RARB: variants seen among roughly 807,000 people sequenced by gnomAD.
The protein encoded by RARB is HBV-activated protein.
A neutral mutation model predicts 51.9 loss-of-function variants in RARB; 17 were observed. The ratio of observed to expected loss-of-function variants is 0.33; its 90% confidence interval spans 0.22 to 0.49. The LOEUF (loss-of-function observed/expected upper bound fraction) is 0.49. Among genes scored for constraint, RARB ranks in the 20% least tolerant of loss-of-function variants. RARB has a pLI of 0.99. For missense variants in RARB, 369 were observed against 550.8 expected, an observed-to-expected ratio of 0.67 and a Z score of 3.30; for synonymous variants, 215 against 195.4, an observed-to-expected ratio of 1.10 and a Z score of -0.84.
chr3:24,993,251 T>C (rs1696952198), intron 2 of RARB, among the ~76,000 whole-genome samples: 1 of 152,190 alleles, frequency 6.6e-6, no homozygotes, highest in African/African-American at 2.4e-5. Flanking sequence ...TGACAACCTT[T>C]TACATAAATT....
intron 5 of RARB, among the ~76,000 whole-genome samples, chr3:25,206,600 C>T (rs928478282): frequency 4.6e-5 from 7 of 152,090 alleles, no homozygotes; most frequent in East Asian, 3.9e-4. Context: ...CTAAGCTTCC[C>T]GTGTGCTTGA....
At chr3:25,148,031 A>G (rs1221914543) in intron 4 of RARB, among the ~76,000 whole-genome samples, 4 of 152,224 alleles carry the variant, frequency 2.6e-5, no homozygotes, top group African/African-American at 9.6e-5. Flanking sequence ...TGCCTTGTCT[A>G]CAGACTACTG....
At chr3:24,914,611 C>T (rs1036384311) in intron 2 of RARB, among the ~76,000 whole-genome samples, 2 of 152,174 alleles carry the variant, frequency 1.3e-5, no homozygotes, top group African/African-American at 2.4e-5. Flanking sequence ...ATAACCTGCA[C>T]ACATCGTCCT....
intron 2 of RARB, among the ~76,000 whole-genome samples, chr3:24,895,498 C>T (rs1217495720): frequency 6.6e-6 from 1 of 152,030 alleles, no homozygotes. Flanking sequence ...TAGATTAAAG[C>T]TTATTTATCA....
intron 3 of RARB, among the ~76,000 whole-genome samples, chr3:25,070,648 A>G (rs182936051): frequency 3.3e-5 from 5 of 152,328 alleles, no homozygotes; most frequent in Non-Finnish European, 7.3e-5. Flanking sequence ...GCATAGGAAT[A>G]TTTGCCAGAC....
intron 5 of RARB, among the ~76,000 whole-genome samples, chr3:25,283,007 G>T (rs1461569615): frequency 6.6e-6 from 1 of 152,180 alleles, no homozygotes; most frequent in East Asian, 1.9e-4. Flanking sequence ...ACACGGAGGA[G>T]CGACACTGTC....
At chr3:25,303,490 C>T (rs192885058) in intron 5 of RARB, among the ~76,000 whole-genome samples, 41 of 152,260 alleles carry the variant, frequency 2.7e-4, no homozygotes, top group Non-Finnish European at 3.8e-4. Context: ...AAGGCCATGA[C>T]CGACTGAGTG....
At chr3:24,882,416 G>C (rs1703184541) in intron 2 of RARB, among the ~76,000 whole-genome samples, 1 of 152,188 alleles carries the variant, frequency 6.6e-6, no homozygotes, top group African/African-American at 2.4e-5. Flanking sequence ...GCAATCTAGA[G>C]ATGATTTGAA....
intron 5 of RARB, among the ~76,000 whole-genome samples, chr3:25,345,552 C>A (rs533218635): frequency 6.6e-6 from 1 of 151,528 alleles, no homozygotes; most frequent in South Asian, 2.1e-4. Context: ...GTAGTCCTAG[C>A]TACTCGGGAG....
chr3:25,506,746 G>T (rs1697624715), intron 3 of RARB, among the ~76,000 whole-genome samples: 1 of 152,388 alleles, frequency 6.6e-6, no homozygotes, highest in South Asian at 2.1e-4. Context: ...AAAAGCAGAT[G>T]AAGGGCTAGG....
chr3:25,434,064 C>G (rs1284281072), intron 1 of RARB, among the ~76,000 whole-genome samples: 2 of 152,106 alleles, frequency 1.3e-5, no homozygotes, highest in Admixed American at 1.3e-4. Flanking sequence ...GCCCCCTGCG[C>G]GATAAGGCGA....
rs75300918 is a variant in RARB, at chr3:25,133,527, C to T, written c.-280+1319C>T. On this transcript the variant is annotated intron_variant, in intron 4 of 11. Coordinates refer to the RARB transcript ENST00000383772. ...AGATCAGTGACATGGTTTACTGCTT[C>T]CTTGGTTTGAGGCAAAGCTAGGAAT... is the stretch of plus-strand genomic sequence containing the variant. Among the ~76,000 whole-genome samples, 57 of 152,088 alleles carry T rather than the reference C, an allele frequency of 3.7e-4. 1 individual carries two copies. The East Asian group carries it at 0.011, about 29-fold the overall frequency.
At chr3:25,151,392 G>T (rs992879459) in intron 4 of RARB, among the ~76,000 whole-genome samples, 1 of 152,192 alleles carries the variant, frequency 6.6e-6, no homozygotes, top group Non-Finnish European at 1.5e-5. Flanking sequence ...AAAAGGGAAA[G>T]CTCCTTACCC....
intron 2 of RARB, among the ~76,000 whole-genome samples, chr3:24,867,891 T>A (rs1282152618): frequency 6.6e-6 from 1 of 152,106 alleles, no homozygotes; most frequent in Non-Finnish European, 1.5e-5. Context: ...TGAGTTCAAG[T>A]CAACCATAGG....
chr3:25,254,002 T>C (rs1702796158), intron 5 of RARB, among the ~76,000 whole-genome samples: 2 of 152,188 alleles, frequency 1.3e-5, no homozygotes, highest in Non-Finnish European at 2.9e-5. Flanking sequence ...TCATATACAG[T>C]GCTTTCTAGT....
At chr3:24,940,566 T>C (rs1231516506) in intron 2 of RARB, among the ~76,000 whole-genome samples, 1 of 152,200 alleles carries the variant, frequency 6.6e-6, no homozygotes, top group Non-Finnish European at 1.5e-5. Context: ...TTTCCTATGT[T>C]TTTTCCTTGT....
chr3:24,937,793 T>C (rs949960135), intron 2 of RARB, among the ~76,000 whole-genome samples: 1 of 151,732 alleles, frequency 6.6e-6, no homozygotes, highest in African/African-American at 2.4e-5. Context: ...GCATGCAGAG[T>C]TTTTTATTAA....
chr3:25,044,904 T>A (rs550319799), intron 2 of RARB, among the ~76,000 whole-genome samples: 2 of 152,270 alleles, frequency 1.3e-5, no homozygotes, highest in South Asian at 2.1e-4. Flanking sequence ...TCTCCATTGT[T>A]CTCAGTGAAT....
chr3:24,908,542 G>T (rs1472782451), intron 2 of RARB, among the ~76,000 whole-genome samples: 1 of 151,456 alleles, frequency 6.6e-6, no homozygotes, highest in Non-Finnish European at 1.5e-5. Context: ...AGCTGATTTT[G>T]TTTGGAAATG....
Sources: allele counts gnomAD v4.1 joint callset (sites outside exome capture counted in the v4.1 genomes callset), GRCh38; gene constraint gnomAD v4.1.1; transcripts MANE v1.5; gene names NCBI Gene and HGNC (gene_info 2026-07-23, HGNC 2026-07-21).